IGF1R: variants seen among roughly 807,000 people sequenced by gnomAD.
IGF1R encodes the protein insulin like growth factor 1 receptor, also known as insulin-like growth factor 1 receptor.
IGF1R carries 44 observed loss-of-function variants against 144.6 expected under a neutral mutation model. The ratio of observed to expected loss-of-function variants is 0.30; its 90% CI spans 0.24 to 0.39. The LOEUF (loss-of-function observed/expected upper bound fraction) is 0.39, where lower values mean the gene tolerates loss of function less well. IGF1R is among the 10% of genes least tolerant of loss of function. IGF1R has a pLI of 1.00. For missense variants in IGF1R, 1,355 were observed against 1,833.7 expected, an observed-to-expected ratio of 0.74 and a Z score of 4.77; for synonymous variants, 795 against 722.8, an observed-to-expected ratio of 1.10 and a Z score of -1.60.
At chr15:98,669,578 G>A (rs1444904750) in intron 1 of IGF1R, among the ~76,000 whole-genome samples, 1 of 152,200 alleles carries the variant, frequency 6.6e-6, no homozygotes, top group Non-Finnish European at 1.5e-5. Context: ...GGGCATGACA[G>A]GGCGGGTCAT....
chr15:98,908,977 C>T, intron 6 of IGF1R, 78 bp downstream of exon 6: 1 of 1,314,810 alleles, frequency 7.6e-7, no homozygotes, highest in Non-Finnish European at 1.1e-6. Flanking sequence ...GTGATGGCAG[C>T]TTTCCTCTGC....
At chr15:98,901,046 G>A (rs961028436) in intron 5 of IGF1R, among the ~76,000 whole-genome samples, 1 of 152,148 alleles carries the variant, frequency 6.6e-6, no homozygotes, top group Non-Finnish European at 1.5e-5. Flanking sequence ...TAAGTATTGT[G>A]CACTTAAATG....
chr15:98,893,686 G>A (rs1257262255), intron 3 of IGF1R, among the ~76,000 whole-genome samples: 1 of 152,146 alleles, frequency 6.6e-6, no homozygotes, highest in East Asian at 1.9e-4. Flanking sequence ...GCCTTCAGTC[G>A]TTCTGCAGCC....
chr15:98,902,095 T>C (rs1356258682), intron 5 of IGF1R, among the ~76,000 whole-genome samples: 1 of 152,150 alleles, frequency 6.6e-6, no homozygotes, highest in African/African-American at 2.4e-5. Context: ...TTCTCAAACT[T>C]TGCTACACAT....
intron 2 of IGF1R, among the ~76,000 whole-genome samples, chr15:98,874,661 A>AT (rs1252949191): frequency 6.6e-6 from 1 of 152,204 alleles, no homozygotes; most frequent in Non-Finnish European, 1.5e-5. Context: ...AAGTGAAGAC[A>AT]TTTGACTGGA....
intron 6 of IGF1R, among the ~76,000 whole-genome samples, chr15:98,909,764 C>T (rs1032974026): frequency 8.5e-5 from 13 of 152,194 alleles, no homozygotes; most frequent in African/African-American, 3.1e-4. Context: ...GCCTGCAGCC[C>T]TGAGTTGATA....
intron 1 of IGF1R, among the ~76,000 whole-genome samples, chr15:98,693,440 T>C (rs1015676306): frequency 6.6e-6 from 1 of 152,164 alleles, no homozygotes; most frequent in Non-Finnish European, 1.5e-5. Flanking sequence ...GGGGCTGCTG[T>C]CCTTCAGCCC....
chr15:98,655,713 A>G (rs1388752988), intron 1 of IGF1R, among the ~76,000 whole-genome samples: 1 of 150,336 alleles, frequency 6.7e-6, no homozygotes, highest in Non-Finnish European at 1.5e-5. Flanking sequence ...GCCCTGGACT[A>G]CAGATTTTTT....
At chr15:98,733,222 C>T (rs951305856) in intron 2 of IGF1R, among the ~76,000 whole-genome samples, 3 of 152,176 alleles carry the variant, frequency 2.0e-5, no homozygotes, top group African/African-American at 4.8e-5. Flanking sequence ...CAGGTTCTTC[C>T]TGGGCTTTTT....
intron 18 of IGF1R, among the ~76,000 whole-genome samples, chr15:98,941,075 G>A (rs1283120152): frequency 6.6e-6 from 1 of 152,238 alleles, no homozygotes; most frequent in East Asian, 1.9e-4. Context: ...CAGTGCAGGG[G>A]GGAGCCAGGT....
intron 9 of IGF1R, 98 bp from the exon 10 acceptor site, chr15:98,916,574 C>T: frequency 1.8e-6 from 2 of 1,101,210 alleles, no homozygotes; most frequent in Non-Finnish European, 2.8e-6. Flanking sequence ...GACCAGCTAT[C>T]TTCTTGATTA....
chr15:98,772,731 C>T (rs2055619721), intron 2 of IGF1R, among the ~76,000 whole-genome samples: 1 of 151,374 alleles, frequency 6.6e-6, no homozygotes, highest in Non-Finnish European at 1.5e-5. Flanking sequence ...TGTGCCCAGC[C>T]AAAAGGTCAC....
intron 2 of IGF1R, among the ~76,000 whole-genome samples, chr15:98,785,006 C>T (rs2055956998): frequency 6.6e-6 from 1 of 152,108 alleles, no homozygotes. Context: ...AGAATATGAA[C>T]ACACAGAAGT....
intron 2 of IGF1R, among the ~76,000 whole-genome samples, chr15:98,874,040 G>A (rs1355344414): frequency 1.3e-5 from 2 of 152,146 alleles, no homozygotes; most frequent in African/African-American, 4.8e-5. Context: ...TCCTCTGCCG[G>A]GGGTTTAGAA....
At chr15:98,837,691 A>G (rs889179366) in intron 2 of IGF1R, among the ~76,000 whole-genome samples, 1 of 151,476 alleles carries the variant, frequency 6.6e-6, no homozygotes, top group Non-Finnish European at 1.5e-5. Context: ...GAGCTTATCT[A>G]CAATAATTAT....
Position 98,957,218 on chromosome 15 carries a change from GACCTGGAGCCAGAGA to G in IGF1R, c.3883_3897del (p.Leu1295_Asn1299del). The G allele has an allele frequency of 6.2e-7, 1 of 1,614,242 alleles. No homozygotes were observed. Among genetic ancestry groups the G allele is most frequent in the Admixed American group, 1.7e-5 (1 of 60,034 alleles). On this transcript the variant is annotated inframe_deletion, in exon 21 of 21. Coordinates refer to ENST00000650285, the MANE Select transcript of IGF1R (RefSeq NM_000875.5). ...CAAGCTGCCCGAGCCGGAGGAGCTG[GACCTGGAGCCAGAGA>G]ACATGGAGAGCGTCCCCCTGGACCC...
intron 10 of IGF1R, among the ~76,000 whole-genome samples, chr15:98,918,505 C>G (rs1167870173): frequency 6.6e-6 from 1 of 152,112 alleles, no homozygotes; most frequent in Non-Finnish European, 1.5e-5. Context: ...CTGGTTAGAA[C>G]TGGAGGCATT....
At chr15:98,861,039 C>A (rs2012122017) in intron 2 of IGF1R, among the ~76,000 whole-genome samples, 1 of 149,068 alleles carries the variant, frequency 6.7e-6, no homozygotes, top group Non-Finnish European at 1.5e-5. Flanking sequence ...CTCCCTCCCT[C>A]CCTCCATCTA....
intron 2 of IGF1R, among the ~76,000 whole-genome samples, chr15:98,866,006 G>A (rs114594213): frequency 1.6e-3 from 242 of 152,298 alleles, no homozygotes; most frequent in African/African-American, 5.1e-3. Context: ...CAACTTGCCC[G>A]TCACCCGGAT....
Sources: allele counts gnomAD v4.1 joint callset (sites outside exome capture counted in the v4.1 genomes callset), GRCh38; gene constraint gnomAD v4.1.1; transcripts MANE v1.5; gene names NCBI Gene and HGNC (gene_info 2026-07-23, HGNC 2026-07-21).